The following MAP2 variants were observed in gnomAD, a reference collection of about 807,000 sequenced individuals.
The protein encoded by MAP2 is microtubule associated protein 2, also known as microtubule-associated protein 2.
In MAP2, 14 loss-of-function variants were observed where a neutral mutation model predicts 137.6. The ratio of observed to expected loss-of-function variants is 0.10; its 90% CI spans 0.07 to 0.16. The LOEUF (loss-of-function observed/expected upper bound fraction) is 0.16. Ranked by LOEUF, MAP2 falls within the 10% of genes least tolerant of loss-of-function variation. MAP2 has a pLI of 1.00. For missense variants in MAP2, 2,088 were observed against 2,191.5 expected, an observed-to-expected ratio of 0.95 and a Z score of 0.94; for synonymous variants, 786 against 782.3, an observed-to-expected ratio of 1.00 and a Z score of -0.08.
At chr2:209,604,491 A>G (rs2084005897) in intron 3 of MAP2, among the ~76,000 whole-genome samples, 3 of 152,288 alleles carry the variant, frequency 2.0e-5, no homozygotes, top group Admixed American at 2.0e-4. Context: ...TAATATGACC[A>G]TCAGCAGTTC....
chr2:209,684,061 C>T (rs1408400968), intron 7 of MAP2, among the ~76,000 whole-genome samples: 1 of 152,114 alleles, frequency 6.6e-6, no homozygotes, highest in Non-Finnish European at 1.5e-5. Flanking sequence ...AAGCTGCACA[C>T]TTAGAAAAGG....
At chr2:209,593,838 ATT>A (rs2080347412) in intron 3 of MAP2, among the ~76,000 whole-genome samples, 3 of 104,542 alleles carry the variant, frequency 2.9e-5, no homozygotes, top group South Asian at 2.6e-4. Context: ...TTTATATTAT[ATT>A]ATAATATATA....
chr2:209,626,785 G>A (rs748330888), intron 4 of MAP2, among the ~76,000 whole-genome samples: 2 of 152,116 alleles, frequency 1.3e-5, no homozygotes, highest in Non-Finnish European at 2.9e-5. Context: ...GACACCTTCT[G>A]TTATAAAGTT....
chr2:209,466,682 A>G (rs1033626430), intron 1 of MAP2, among the ~76,000 whole-genome samples: 1 of 152,210 alleles, frequency 6.6e-6, no homozygotes, highest in African/African-American at 2.4e-5. Flanking sequence ...TCCATGATCT[A>G]AATGCTACAT....
At chr2:209,640,035 A>G (rs971796417) in intron 4 of MAP2, among the ~76,000 whole-genome samples, 1 of 152,162 alleles carries the variant, frequency 6.6e-6, no homozygotes, top group Admixed American at 6.6e-5. Flanking sequence ...CAAACAAAAC[A>G]AAAACAAAAA....
intron 2 of MAP2, among the ~76,000 whole-genome samples, chr2:209,541,717 A>C (rs996572816): frequency 6.6e-6 from 1 of 152,206 alleles, no homozygotes; most frequent in East Asian, 1.9e-4. Context: ...CTCATTCATA[A>C]GGCGCAACTC....
chr2:209,526,119 A>G (rs116138785), intron 2 of MAP2, among the ~76,000 whole-genome samples: 3,197 of 152,264 alleles, frequency 0.021, 39 homozygotes, highest in Non-Finnish European at 0.033. Context: ...GAAGCATATC[A>G]TGGGCTTTTT....
Position 209,563,575 on chromosome 2 carries a change from C to A in MAP2, c.-171-16461C>A, listed in dbSNP as rs1433961559. ...CCCACCCCCGTATACTTCTCTAGCT[C>A]ATAGTGAAATCCCTTGGCCTCTCTC... On this transcript the variant is annotated intron_variant, in intron 2 of 15. Transcript: ENST00000682079. 2.0e-5 allele frequency among the ~76,000 whole-genome samples: 3 copies of A among 152,304 alleles called. No homozygotes were observed. In the East Asian group the frequency reaches 5.8e-4, roughly 29 times the overall value.
At chr2:209,613,942 A>C (rs530665542) in intron 3 of MAP2, among the ~76,000 whole-genome samples, 2 of 152,274 alleles carry the variant, frequency 1.3e-5, no homozygotes, top group Admixed American at 1.3e-4. Flanking sequence ...TCATTGGCTC[A>C]CTTGCTGTGT....
intron 13 of MAP2, among the ~76,000 whole-genome samples, chr2:209,714,336 A>G (rs958682975): frequency 3.3e-5 from 5 of 152,252 alleles, no homozygotes; most frequent in African/African-American, 1.2e-4. Flanking sequence ...CAGTTAGAGC[A>G]TAATCTCTGC....
chr2:209,705,771 A>G (rs2063208501), intron 12 of MAP2, 44 bp downstream of exon 12: 1 of 1,543,506 alleles, frequency 6.5e-7, no homozygotes. Context: ...CACTTTTTAA[A>G]TCCTTTAAGT....
intron 1 of MAP2, 87 bp downstream of exon 1, chr2:209,424,363 G>A (rs1280171959): frequency 6.6e-6 from 1 of 152,626 alleles, no homozygotes; most frequent in East Asian, 1.9e-4. Flanking sequence ...GGAATGGGGA[G>A]GGGTTGTGTC....
At chr2:209,486,098 G>A (rs2058343552) in intron 1 of MAP2, among the ~76,000 whole-genome samples, 1 of 152,124 alleles carries the variant, frequency 6.6e-6, no homozygotes, top group Non-Finnish European at 1.5e-5. Context: ...CAGGAACCTT[G>A]TTGACAACTT....
chr2:209,557,380 A>G (rs561621114), intron 2 of MAP2, among the ~76,000 whole-genome samples: 20 of 152,292 alleles, frequency 1.3e-4, no homozygotes, highest in African/African-American at 4.8e-4. Flanking sequence ...CCAATTCTTC[A>G]AGAATGGTAT....
At chr2:209,697,203 T>TC in intron 10 of MAP2, 152 bp downstream of exon 10, 1 of 683,830 alleles carries the variant, frequency 1.5e-6, no homozygotes, top group African/African-American at 2.4e-5. Flanking sequence ...GTATCATTAT[T>TC]CTTTTTTCCC....
intron 13 of MAP2, among the ~76,000 whole-genome samples, chr2:209,724,707 T>C (rs963227426): frequency 6.6e-6 from 1 of 152,208 alleles, no homozygotes; most frequent in African/African-American, 2.4e-5. Flanking sequence ...CAATGTTTGC[T>C]GGCCCCCTTC....
intron 3 of MAP2, among the ~76,000 whole-genome samples, chr2:209,604,825 G>T (rs965926363): frequency 6.6e-6 from 1 of 152,162 alleles, no homozygotes; most frequent in Non-Finnish European, 1.5e-5. Flanking sequence ...GGACAGGAAA[G>T]ACAAAGTGTT....
intron 1 of MAP2, among the ~76,000 whole-genome samples, chr2:209,466,501 T>C (rs1188228017): frequency 6.6e-6 from 1 of 152,166 alleles, no homozygotes; most frequent in East Asian, 1.9e-4. Flanking sequence ...ACATTAAATG[T>C]CCAATAAATA....
chr2:209,434,943 G>GTTATATATATA (rs1559157760), intron 1 of MAP2, among the ~76,000 whole-genome samples: 2 of 128,866 alleles, frequency 1.6e-5, no homozygotes, highest in African/African-American at 6.1e-5. Flanking sequence ...TTATATATAT[G>GTTATATATATA]TGTTTTATAT....
Sources: allele counts gnomAD v4.1 joint callset (sites outside exome capture counted in the v4.1 genomes callset), GRCh38; gene constraint gnomAD v4.1.1; transcripts MANE v1.5; gene names NCBI Gene and HGNC (gene_info 2026-07-23, HGNC 2026-07-21).